Variants in MED16 observed in about 807,000 individuals in gnomAD.
The protein encoded by MED16 is mediator complex subunit 16.
MED16 carries 81 observed loss-of-function variants against 84.4 expected under a neutral mutation model. The observed-to-expected ratio is 0.96, with a 90% CI of 0.80 to 1.15. MED16 has a LOEUF of 1.15. MED16 is among the 50% of genes most tolerant of loss of function. The pLI is 0.00. For synonymous variants in MED16, 897 were observed against 552.2 expected, an observed-to-expected ratio of 1.62 and a Z score of -8.76; for missense variants, 1,585 against 1,245.9, an observed-to-expected ratio of 1.27 and a Z score of -4.10.
chr19:871,272 G>C lies in MED16; in HGVS notation c.2099-19C>G. 1 of 1,525,194 alleles carries C rather than the reference G, an allele frequency of 6.6e-7. No homozygotes were observed. The highest frequency in any genetic ancestry group is 8.9e-7 in the Non-Finnish European group (1 of 1,129,840). 94.5% of individuals were successfully genotyped at this position (1,525,194 alleles called of 1,614,324 possible). On this transcript the variant is annotated intron_variant, in intron 12 of 15. Transcript: ENST00000325464. ...TCGCGACCTGCGGAGAGAGGTGGCG[G>C]AAGTCTCAGCACCCCTGACTGGGGC... is the stretch of plus-strand genomic sequence containing the variant.
chr19:877,513 G>A (rs1454672409), intron 8 of MED16, among the ~76,000 whole-genome samples: 1 of 140,964 alleles, frequency 7.1e-6, no homozygotes, highest in Non-Finnish European at 1.5e-5. Context: ...AATACGTGCT[G>A]TGAGCCACCC....
At chr19:878,355 ACC>A (rs2036316204) in intron 8 of MED16, among the ~76,000 whole-genome samples, 1 of 14,238 alleles carries the variant, frequency 7.0e-5, no homozygotes, top group Non-Finnish European at 1.4e-4. Flanking sequence ...GTCAATGCCC[ACC>A]AGCCCCAGCC....
At position 868,095 on chromosome 19, in the gene MED16, C is replaced by T. The variant is rs368502301; in HGVS notation, c.*6G>A. The T allele has an allele frequency of 3.5e-5, 56 of 1,600,032 alleles. 1 individual carries two copies. The highest frequency in any genetic ancestry group is 2.2e-4 in the East Asian group (10 of 44,790). On this transcript the variant is annotated 3_prime_UTR_variant, in exon 16 of 16. Coordinates refer to ENST00000325464, the MANE Select transcript of MED16 (RefSeq NM_005481.3). ...TCACCACAAGGTCCGCCTGGACCCC[C>T]GGCCGTCACGGACGGTCCTCTGGAT...
rs60478125 is a variant in MED16 at position 870,928 on chromosome 19, G to T, written c.2315+109C>A. 547 of 1,129,054 alleles carry T rather than the reference G, an allele frequency of 4.8e-4. 2 individuals are homozygous for T. Among genetic ancestry groups the T allele is most frequent in the Admixed American group, 8.0e-4 (34 of 42,450 alleles). The allele number at this position is 1,129,054 out of a possible 1,614,324, so 69.9% of individuals were successfully genotyped here. A position where few individuals can be genotyped will look rare whatever the true frequency, so the allele number is the denominator to read the frequency against. The stretch of plus-strand genomic sequence containing the variant: ...GCGGGGAGCCGTGTGGATTCGGGGG[G>T]ACCTGGGGCAGGACATGCAGGGAGG... On this transcript the variant is annotated intron_variant, in intron 13 of 15. Coordinates refer to ENST00000325464, the MANE Select transcript of MED16 (RefSeq NM_005481.3).
At chr19:890,457 G>A (rs757580891) in intron 2 of MED16, 4 of 462,650 alleles carry the variant, frequency 8.6e-6, no homozygotes, top group Non-Finnish European at 1.5e-5. Context: ...TTTAAAACCA[G>A]ATTAGAAGAA....
intron 14 of MED16, 121 bp from the exon 15 acceptor site, chr19:868,620 G>A (rs1651891): frequency 0.24 from 317,117 of 1,329,706 alleles, 40,086 homozygotes; most frequent in Non-Finnish European, 0.26. Context: ...TGCTCCCCAC[G>A]TCCCCACCTG....
At chr19:872,360 G>A (rs969450531) in intron 11 of MED16, among the ~76,000 whole-genome samples, 7 of 152,042 alleles carry the variant, frequency 4.6e-5, no homozygotes, top group Non-Finnish European at 7.4e-5. Context: ...GAGTCCACAA[G>A]ACTAAGACGA....
chr19:883,959 G>A (rs902333742), intron 6 of MED16, among the ~76,000 whole-genome samples: 3 of 152,152 alleles, frequency 2.0e-5, no homozygotes, highest in Admixed American at 6.5e-5. Flanking sequence ...CTGGGGGAAG[G>A]AATGGCAGTG....
At chr19:869,565 T>C (rs970927867) in intron 13 of MED16, among the ~76,000 whole-genome samples, 8 of 152,036 alleles carry the variant, frequency 5.3e-5, no homozygotes, top group Non-Finnish European at 8.8e-5. Flanking sequence ...CGTGTGTGAC[T>C]CATTAGGAGG....
At chr19:875,140 G>A (rs186375484) in intron 10 of MED16, 104 bp downstream of exon 10, 5 of 773,640 alleles carry the variant, frequency 6.5e-6, no homozygotes, top group Non-Finnish European at 1.9e-6. Flanking sequence ...CTCCAGCCTG[G>A]GCAACAGAGT....
chr19:885,890 G>A lies in MED16; in HGVS notation c.759C>T (p.Cys253=). Residue 253 remains cysteine, a synonymous_variant, in exon 5 of 16, where the codon TGC becomes TGT. Coordinates refer to ENST00000325464, the MANE Select transcript of MED16 (RefSeq NM_005481.3). Reference sequence around the variant, plus strand: ...AGGGCAGGATCTCCGTGTCGATACGGCACTTCTCGCTCACCACGCTCACGC... The same window carrying A: ...AGGGCAGGATCTCCGTGTCGATACGACACTTCTCGCTCACCACGCTCACGC... ...KVCVSVVSEK[C]RIDTEILPSL... 3 of 1,613,698 alleles carry A rather than the reference G, an allele frequency of 1.9e-6. No homozygotes were observed. Among genetic ancestry groups the A allele is most frequent in the Admixed American group, 1.7e-5 (1 of 60,036 alleles).
chr19:882,529 CAA>C (rs1459400049), intron 6 of MED16, among the ~76,000 whole-genome samples: 3 of 152,158 alleles, frequency 2.0e-5, no homozygotes, highest in African/African-American at 7.2e-5. Flanking sequence ...AGCTCAAAAA[CAA>C]AAAACAAAAA....
chr19:873,786 G>C (rs1003052330), intron 10 of MED16, among the ~76,000 whole-genome samples: 13 of 152,030 alleles, frequency 8.6e-5, no homozygotes, highest in Admixed American at 5.2e-4. Flanking sequence ...CCCGGGGGCC[G>C]CTGTGCTCAG....
intron 7 of MED16, among the ~76,000 whole-genome samples, chr19:881,165 C>T (rs923460827): frequency 6.6e-6 from 1 of 152,188 alleles, no homozygotes; most frequent in Admixed American, 6.5e-5. Flanking sequence ...AGGGTAGGCA[C>T]TGAAGAGTGT....
chr19:872,847 G>T, intron 11 of MED16: 1 of 597,732 alleles, frequency 1.7e-6, no homozygotes, highest in Non-Finnish European at 2.2e-6. Context: ...CTGAGAAGGA[G>T]CAGGGCCTGG....
intron 4 of MED16, among the ~76,000 whole-genome samples, chr19:887,394 G>A (rs1026558826): frequency 5.9e-5 from 9 of 152,064 alleles, no homozygotes; most frequent in East Asian, 3.9e-4. Flanking sequence ...TTGGCCGGAC[G>A]CGGTGGCTCA....
rs977418409 is a variant in MED16, at chr19:886,018, C to T, written c.631G>A (p.Gly211Ser). The T allele has an allele frequency of 6.2e-6, 10 of 1,601,082 alleles. No individual in the cohort carries two copies. The highest frequency in any genetic ancestry group is 2.2e-5 in the South Asian group (2 of 90,694). Residue 211 changes from glycine to serine, a missense_variant, in exon 5 of 16, where the codon GGC (glycine) becomes AGC (serine). Coordinates refer to ENST00000325464, the MANE Select transcript of MED16 (RefSeq NM_005481.3). Reference sequence around the variant, plus strand: ...GCGATGTCGGCCAGGGCCACGCGGCCGCGCAGCCGGCACAGGCTCTCGGTG... The same window carrying T: ...GCGATGTCGGCCAGGGCCACGCGGCTGCGCAGCCGGCACAGGCTCTCGGTG... ...TSTESLCRLR[G>S]RVALADIAFT...
chr19:871,353 C>G, intron 12 of MED16, 100 bp from the exon 13 acceptor site: 1 of 1,374,976 alleles, frequency 7.3e-7, no homozygotes, highest in East Asian at 2.5e-5. Context: ...AGCACCAGGT[C>G]AGGGCCCCAG....
At chr19:884,735 G>A (rs879372498) in intron 6 of MED16, among the ~76,000 whole-genome samples, 168 bp downstream of exon 6, 16 of 152,200 alleles carry the variant, frequency 1.1e-4, no homozygotes, top group Admixed American at 8.5e-4. Flanking sequence ...GCTGGCAGGC[G>A]CGCGGTCACA....
Sources: gnomAD v4.1 joint callset for allele counts (sites outside exome capture counted in the v4.1 genomes callset) on GRCh38, gnomAD v4.1.1 for gene constraint, MANE v1.5 for transcripts, NCBI Gene and HGNC (gene_info 2026-07-23, HGNC 2026-07-21) for gene names.